Variants in HDGFL2 observed in about 807,000 individuals in gnomAD.
HDGFL2 encodes HDGF like 2.
A neutral mutation model predicts 77.1 loss-of-function variants in HDGFL2; 36 were observed. That is an observed-to-expected ratio of 0.47 (90% CI 0.36 to 0.62). The LOEUF (loss-of-function observed/expected upper bound fraction) is 0.62, where lower values mean the gene tolerates loss of function less well. Among genes scored for constraint, HDGFL2 ranks in the 20% least tolerant of loss-of-function variants. The pLI is 0.00. For missense variants in HDGFL2, 976 were observed against 973.4 expected (o/e 1.00, Z -0.04); for synonymous variants, 463 against 413.1 (o/e 1.12, Z -1.46).
In HDGFL2 at chr19:4,501,914, C is replaced by T. The variant is rs937446115; in HGVS notation, c.1920C>T (p.Ser640=). 1.3e-5 allele frequency: 19 copies of T among 1,456,964 alleles called. No homozygotes were observed. The highest frequency in any genetic ancestry group is 1.3e-4 in the East Asian group (5 of 38,828). 90.3% of individuals were successfully genotyped at this position (1,456,964 alleles called of 1,614,324 possible). A position where few individuals can be genotyped will look rare whatever the true frequency, so the allele number is the denominator to read the frequency against. The change falls in exon 16 of 16, where the codon AGC becomes AGT. Residue 640 remains serine, a synonymous_variant. Coordinates refer to ENST00000616600, the MANE Select transcript of HDGFL2 (RefSeq NM_001001520.3). The stretch of plus-strand genomic sequence containing the variant: ...CCGCCTTTGCTGTTCCCACCAGCAG[C>T]GTACGGGAGGGTCCCGACCTGGACA... ...RCGSSEDLHD[S]VREGPDLDRP...
intron 3 of HDGFL2, among the ~76,000 whole-genome samples, chr19:4,485,366 A>G (rs1471291279): frequency 1.3e-5 from 2 of 152,074 alleles, no homozygotes; most frequent in African/African-American, 4.8e-5. Flanking sequence ...GCCAAGTCAT[A>G]TTCTATCCTA....
Position 4,497,952 on chromosome 19 carries a change from C to T in HDGFL2, c.1329-6C>T, listed in dbSNP as rs774734869. ...GGGCCCGACTGAGGGGAGCACTTCT[C>T]CACAGGCCCGTGAAGGTGGAGCGGA... On this transcript the variant is annotated splice_region_variant and splice_polypyrimidine_tract_variant and intron_variant, in intron 10 of 15. Coordinates refer to ENST00000616600, the MANE Select transcript of HDGFL2 (RefSeq NM_001001520.3). 6.4e-7 allele frequency: 1 copy of T among 1,551,990 alleles called. No individual in the cohort carries two copies. Among genetic ancestry groups the T allele is most frequent in the Non-Finnish European group, 8.7e-7 (1 of 1,147,246 alleles).
At chr19:4,481,263 T>G (rs1400823908) in intron 3 of HDGFL2, among the ~76,000 whole-genome samples, 1 of 144,056 alleles carries the variant, frequency 6.9e-6, no homozygotes, top group African/African-American at 2.6e-5. Flanking sequence ...CGATCTTGGC[T>G]CACTGCAACC....
At chr19:4,490,084 G>A (rs904307656) in intron 4 of HDGFL2, among the ~76,000 whole-genome samples, 1 of 152,002 alleles carries the variant, frequency 6.6e-6, no homozygotes, top group East Asian at 1.9e-4. Flanking sequence ...AGCTCCATTC[G>A]TTTCATTTAT....
intron 14 of HDGFL2, among the ~76,000 whole-genome samples, chr19:4,500,452 ATTTTT>A (rs67297373): frequency 1.1e-5 from 1 of 88,702 alleles, no homozygotes; most frequent in East Asian, 3.2e-4. Context: ...TGCCCTGCTA[ATTTTT>A]TTTTTTTTTT....
intron 10 of HDGFL2, chr19:4,496,771 G>A (rs924694426): frequency 7.8e-6 from 3 of 383,640 alleles, no homozygotes; most frequent in African/African-American, 6.3e-5. Flanking sequence ...CATCCCCAAT[G>A]TCCACAAGCA....
Position 4,501,233 on chromosome 19 carries a change from G to T in HDGFL2, c.1832G>T (p.Gly611Val). 2.5e-6 allele frequency: 4 copies of T among 1,613,806 alleles called. No individual in the cohort carries two copies. The highest frequency in any genetic ancestry group is 3.4e-6 in the Non-Finnish European group (4 of 1,180,002). Residue 611 changes from glycine (G) to valine (V), a missense_variant, in exon 15 of 16, where the codon GGG (glycine) becomes GTG (valine). Gly to Val is a moderately radical substitution (Grantham distance 109). This residue lies in a region of HDGFL2 where 229 missense variants were observed against 187.3 expected (regional missense o/e 1.22). Coordinates refer to ENST00000616600, the MANE Select transcript of HDGFL2 (RefSeq NM_001001520.3). ...AATGGCGAGGCCACATCACAGAAGG[G>T]GGAGAGCGCAGAGGACAAGGAGCAC... is the stretch of plus-strand genomic sequence containing the variant. ...PVNGEATSQK[G>V]ESAEDKEHEE...
At chr19:4,481,792 T>C (rs890799013) in intron 3 of HDGFL2, among the ~76,000 whole-genome samples, 6 of 152,058 alleles carry the variant, frequency 3.9e-5, no homozygotes, top group Admixed American at 1.3e-4. Flanking sequence ...GATTTGGTAG[T>C]GCTGACCCCT....
Position 4,496,379 on chromosome 19 carries a change from G to A in HDGFL2, c.1302G>A (p.Val434=). The A allele has an allele frequency of 6.2e-7, 1 of 1,614,044 alleles. No individual in the cohort carries two copies. The highest frequency in any genetic ancestry group is 8.5e-7 in the Non-Finnish European group (1 of 1,179,954). ...AACCTGGCCAGAAGGAGAAGAGAGT[G>A]CGGCCCGAGGAGAAGCAACAAGCCA... ...ARKPGQKEKR[V]RPEEKQQAKP... The change falls in exon 10 of 16, where the codon GTG becomes GTA. Residue 434 remains valine (V), a synonymous_variant. Coordinates refer to ENST00000616600, the MANE Select transcript of HDGFL2 (RefSeq NM_001001520.3).
chr19:4,498,127 A>G (rs1166966405), intron 11 of HDGFL2, 96 bp downstream of exon 11: 2 of 1,269,880 alleles, frequency 1.6e-6, no homozygotes, highest in Non-Finnish European at 2.2e-6. Context: ...GTCCCTAGAG[A>G]GGGTGCTCAG....
intron 5 of HDGFL2, 33 bp from the exon 6 acceptor site, chr19:4,491,731 T>G: frequency 6.2e-7 from 1 of 1,613,318 alleles, no homozygotes; most frequent in Non-Finnish European, 8.5e-7. Flanking sequence ...TGGCTGCCAG[T>G]GGGCCCCAGT....
chr19:4,493,282 CTGTG>C (rs768539106), intron 6 of HDGFL2, among the ~76,000 whole-genome samples: 12 of 118,406 alleles, frequency 1.0e-4, no homozygotes, highest in South Asian at 5.4e-4. Context: ...TGTGTGTTGT[CTGTG>C]TGTGGTGTGT....
At chr19:4,492,791 G>A (rs1975556693) in intron 6 of HDGFL2, among the ~76,000 whole-genome samples, 1 of 144,988 alleles carries the variant, frequency 6.9e-6, no homozygotes, top group Admixed American at 6.9e-5. Context: ...TGTCTGGTGT[G>A]TGTTTCTGGT....
chr19:4,500,354 A>G (rs1975828890), intron 14 of HDGFL2, among the ~76,000 whole-genome samples: 1 of 146,190 alleles, frequency 6.8e-6, no homozygotes. Flanking sequence ...TGGTACAATC[A>G]CAGCTCACTG....
chr19:4,490,057 G>C (rs968787586), intron 4 of HDGFL2, among the ~76,000 whole-genome samples: 5 of 152,096 alleles, frequency 3.3e-5, no homozygotes, highest in Admixed American at 2.6e-4. Flanking sequence ...GGGTGCATCC[G>C]CACTGCAGCC....
chr19:4,498,947 A>G, intron 13 of HDGFL2, 32 bp downstream of exon 13: 1 of 1,485,872 alleles, frequency 6.7e-7, no homozygotes, highest in Non-Finnish European at 9.2e-7. Flanking sequence ...CGCAGGGTGC[A>G]GTCGGGGGAG....
rs1457525818 is a variant in HDGFL2, at chr19:4,488,872, T to C, written c.485T>C (p.Leu162Pro). 4 of 1,550,466 alleles carry C rather than the reference T, an allele frequency of 2.6e-6. No homozygotes were observed. Among genetic ancestry groups the C allele is most frequent in the Non-Finnish European group, 3.5e-6 (4 of 1,146,790 alleles). The change falls in exon 4 of 16, where the codon CTA becomes CCA. Residue 162 changes from leucine to proline, a missense_variant. Coordinates refer to ENST00000616600, the MANE Select transcript of HDGFL2 (RefSeq NM_001001520.3). ...GGCCTGAAGAGGAAGACGCCTGCGCTAAAGGTAGGGGAGGACCAAGGTGGG... is the reference window on the plus strand; with the variant it reads ...GGCCTGAAGAGGAAGACGCCTGCGCCAAAGGTAGGGGAGGACCAAGGTGGG... ...NSGLKRKTPA[L>P]KMSVSKRARK... is the part of the protein sequence containing the mutation.
intron 4 of HDGFL2, 76 bp downstream of exon 4, chr19:4,488,952 C>CCTT: frequency 1.4e-6 from 1 of 706,562 alleles, no homozygotes. Flanking sequence ...CTCTCCTGCC[C>CCTT]TTTTTTTTTT....
At chr19:4,473,049 A>T (rs1974985960) in intron 1 of HDGFL2, among the ~76,000 whole-genome samples, 1 of 128,054 alleles carries the variant, frequency 7.8e-6, no homozygotes, top group Admixed American at 8.2e-5. Flanking sequence ...AGGGAGTCGC[A>T]CCTTGGGGGT....
Sources: gnomAD v4.1 joint callset for allele counts (sites outside exome capture counted in the v4.1 genomes callset) on GRCh38, gnomAD v4.1.1 for gene constraint, gnomAD v4.1.1 regional missense constraint, MANE v1.5 for transcripts, NCBI Gene and HGNC (gene_info 2026-07-23, HGNC 2026-07-21) for gene names.